The following GJB6 variants were observed in gnomAD, a reference collection of about 807,000 sequenced individuals.
GJB6 encodes the protein gap junction protein beta 6.
Under a neutral mutation model 5.4 loss-of-function variants are expected in GJB6, and 5 were observed. The ratio of observed to expected loss-of-function variants is 0.92; its 90% CI spans 0.48 to 1.93. GJB6 has a LOEUF of 1.93. GJB6 is among the 30% of genes most tolerant of loss of function. GJB6 has a pLI of 0.01. For synonymous variants in GJB6, 136 were observed against 129.6 expected (o/e 1.05, Z -0.34); for missense variants, 298 against 326.9 (o/e 0.91, Z 0.68).
At position 20,223,242 on chromosome 13, in the gene GJB6, T is replaced by G; in HGVS notation, c.239A>C (p.Gln80Pro). 1 of 1,610,900 alleles carries G rather than the reference T, an allele frequency of 6.2e-7. No homozygotes were observed. Among genetic ancestry groups the G allele is most frequent in the Non-Finnish European group, 8.5e-7 (1 of 1,177,340 alleles). Residue 80 changes from glutamine (Q) to proline (P), a missense_variant, in exon 5 of 5, where the codon CAG becomes CCG. Coordinates refer to ENST00000647029, the MANE Select transcript of GJB6 (RefSeq NM_001110219.3). Reference protein sequence around the residue: ...PVSHIRLWALQLIFVSTPALL... With the variant: ...PVSHIRLWALPLIFVSTPALL... ...CGCTGGGGTGGAGACGAAGATCAGCTGGAGGGCCCACAGCCGGATGTGGGA... is the reference window on the plus strand; with the variant it reads ...CGCTGGGGTGGAGACGAAGATCAGCGGGAGGGCCCACAGCCGGATGTGGGA...
intron 4 of GJB6, among the ~76,000 whole-genome samples, chr13:20,226,782 T>G (rs1447695082): frequency 6.6e-6 from 1 of 152,214 alleles, no homozygotes; most frequent in East Asian, 1.9e-4. Flanking sequence ...CCCATTGAAA[T>G]TTGGTCAACA....
intron 4 of GJB6, among the ~76,000 whole-genome samples, chr13:20,228,726 C>A (rs535841925): frequency 3.3e-5 from 5 of 151,470 alleles, no homozygotes; most frequent in Non-Finnish European, 1.5e-5. Flanking sequence ...CCTCATGATC[C>A]GCCCCCCTTG....
chr13:20,232,163 CG>C (rs1190016690), intron 1 of GJB6, 30 bp downstream of exon 1: 1 of 152,114 alleles, frequency 6.6e-6, no homozygotes, highest in Non-Finnish European at 1.5e-5. Flanking sequence ...GCTCGCCCCC[CG>C]CAAGACCCAG....
At chr13:20,228,474 TTTTTTGTTTTTG>T (rs1210694059) in intron 4 of GJB6, among the ~76,000 whole-genome samples, 4 of 126,204 alleles carry the variant, frequency 3.2e-5, no homozygotes, top group Admixed American at 7.2e-5. Flanking sequence ...TTTGTTTTTG[TTTTTTGTTTTTG>T]TTTTTTGTTT....
chr13:20,222,103 T>C lies in GJB6; in HGVS notation c.*592A>G, dbSNP rs1869210829. ...GTCTACATTCAGAAAGCAGTAAAAA[T>C]ATATTGTGCAATGAACACTTTCCAC... is the stretch of plus-strand genomic sequence containing the variant. On this transcript the variant is annotated 3_prime_UTR_variant, in exon 5 of 5. Transcript: ENST00000647029. 2 of 153,498 alleles carry C rather than the reference T, an allele frequency of 1.3e-5. No homozygotes were observed. Among genetic ancestry groups the C allele is most frequent in the Non-Finnish European group, 1.5e-5 (1 of 68,688 alleles). The allele number at this position is 153,498 out of a possible 1,614,324, so 9.5% of individuals were successfully genotyped here. A position where few individuals can be genotyped will look rare whatever the true frequency, so the allele number is the denominator to read the frequency against.
At chr13:20,228,702 T>A (rs1256947888) in intron 4 of GJB6, among the ~76,000 whole-genome samples, 97 of 149,150 alleles carry the variant, frequency 6.5e-4, no homozygotes, top group Admixed American at 2.3e-3. Context: ...GCCAGGATGG[T>A]CTCGATCTCC....
At chr13:20,228,517 T>A (rs1370750705) in intron 4 of GJB6, among the ~76,000 whole-genome samples, 3 of 151,610 alleles carry the variant, frequency 2.0e-5, no homozygotes, top group Admixed American at 6.6e-5. Context: ...GGAGTCTAGC[T>A]CTGTTGCCCA....
intron 4 of GJB6, among the ~76,000 whole-genome samples, chr13:20,227,508 C>T (rs1248080507): frequency 6.6e-5 from 10 of 152,266 alleles, no homozygotes; most frequent in Middle Eastern, 3.4e-3. Context: ...AAGCTGTGTC[C>T]TCTCTCCGAA....
At position 20,223,488 on chromosome 13, in the gene GJB6, G is replaced by A. The variant is rs374920634; in HGVS notation, c.-8C>T. 1.9e-5 allele frequency: 31 copies of A among 1,613,386 alleles called. No homozygotes were observed. Among genetic ancestry groups the A allele is most frequent in the Non-Finnish European group, 2.5e-5 (30 of 1,179,508 alleles). On this transcript the variant is annotated 5_prime_UTR_variant, in exon 5 of 5. Transcript: ENST00000647029. ...CAGCGTCCCCCAATCCATTGCGCTG[G>A]TTTATCCCTAAACAGACAAAAGTGG... is the stretch of plus-strand genomic sequence containing the variant.
At chr13:20,229,150 A>AAAAT (rs1869874003) in intron 4 of GJB6, among the ~76,000 whole-genome samples, 2 of 62,160 alleles carry the variant, frequency 3.2e-5, no homozygotes, top group African/African-American at 1.6e-4. Context: ...AAAAAAAAAA[A>AAAAT]TTTTTTTTTT....
At position 20,232,179 on chromosome 13, in the gene GJB6, T is replaced by C. The variant is rs1481682060; in HGVS notation, c.-420+15A>G. Reference sequence around the variant, plus strand: ...CTCGCCCCCCGCAAGACCCAGCCGGTCCGCGCCCGCTTACCTGCTCTGCGG... The same window carrying C: ...CTCGCCCCCCGCAAGACCCAGCCGGCCCGCGCCCGCTTACCTGCTCTGCGG... On this transcript the variant is annotated intron_variant, in intron 1 of 4. Coordinates refer to ENST00000647029, the MANE Select transcript of GJB6 (RefSeq NM_001110219.3). 6.6e-6 allele frequency: 1 copy of C among 151,976 alleles called. No homozygotes were observed. The highest frequency in any genetic ancestry group is 1.9e-4 in the East Asian group (1 of 5,172). 9.4% of individuals were successfully genotyped at this position (151,976 alleles called of 1,614,324 possible).
chr13:20,223,885 C>T (rs1280548413), intron 4 of GJB6, among the ~76,000 whole-genome samples: 3 of 151,898 alleles, frequency 2.0e-5, no homozygotes, highest in Admixed American at 1.3e-4. Flanking sequence ...AGGAGAATGG[C>T]GTGAACCAGG....
chr13:20,226,893 G>T (rs1259079808), intron 4 of GJB6, among the ~76,000 whole-genome samples: 1 of 152,224 alleles, frequency 6.6e-6, no homozygotes, highest in Non-Finnish European at 1.5e-5. Context: ...AGGTGAGACA[G>T]CTGTGTTCTC....
chr13:20,228,584 C>G lies in GJB6; in HGVS notation c.-16+996G>C, dbSNP rs1193963951. Among the ~76,000 whole-genome samples, 45 of 150,006 alleles carry G rather than the reference C, an allele frequency of 3.0e-4. 1 individual carries two copies. The South Asian group carries it at 8.6e-3, about 29-fold the overall frequency. On this transcript the variant is annotated intron_variant, in intron 4 of 4. Transcript: ENST00000647029. The stretch of plus-strand genomic sequence containing the variant: ...CTGCAAGCTCCGCCTCCCGGGTTCA[C>G]GCCGTTCTCCCGCCTCAGCCTCTCT...
intron 4 of GJB6, among the ~76,000 whole-genome samples, chr13:20,226,849 C>A (rs1409299654): frequency 6.6e-6 from 1 of 152,246 alleles, no homozygotes; most frequent in Non-Finnish European, 1.5e-5. Context: ...TTTTCTCCAA[C>A]ACTTCAAAGT....
Position 20,222,975 on chromosome 13 carries a change from C to A in GJB6, c.506G>T (p.Cys169Phe). 1 of 1,614,168 alleles carries A rather than the reference C, an allele frequency of 6.2e-7. No individual in the cohort carries two copies. Among genetic ancestry groups the A allele is most frequent in the East Asian group, 2.2e-5 (1 of 44,872 alleles). Residue 169 changes from cysteine (C) to phenylalanine (F), a missense_variant, in exon 5 of 5, where the codon TGT becomes TTT. By Grantham distance (205) the Cys-to-Phe change is radical (BLOSUM62 -2). Transcript: ENST00000647029. ...NGYHLPWVLK[C>F]GIDPCPNLVD... ...AAGGTTGGGGCAGGGGTCAATCCCA[C>A]ATTTCAACACCCAGGGCAGGTGGTA...
At chr13:20,225,118 G>A (rs139704012) in intron 4 of GJB6, among the ~76,000 whole-genome samples, 6 of 152,280 alleles carry the variant, frequency 3.9e-5, no homozygotes, top group East Asian at 1.9e-4. Context: ...TCCTAGTTCC[G>A]TTGGCTTTCT....
chr13:20,231,267 T>C (rs1870069710), intron 2 of GJB6, 115 bp downstream of exon 2: 1 of 152,226 alleles, frequency 6.6e-6, no homozygotes, highest in Admixed American at 6.5e-5. Context: ...AATCAGACAC[T>C]AAACAGAGTG....
chr13:20,228,294 T>C (rs1869736019), intron 4 of GJB6, among the ~76,000 whole-genome samples: 1 of 152,212 alleles, frequency 6.6e-6, no homozygotes, highest in African/African-American at 2.4e-5. Context: ...AGGTTCATTT[T>C]AACTGATGCC....
Sources: allele counts gnomAD v4.1 joint callset (sites outside exome capture counted in the v4.1 genomes callset), GRCh38; gene constraint gnomAD v4.1.1; transcripts MANE v1.5; gene names NCBI Gene and HGNC (gene_info 2026-07-23, HGNC 2026-07-21).